SNX29: variants seen among roughly 807,000 people sequenced by gnomAD.
SNX29 encodes sorting nexin-29.
A neutral mutation model predicts 102.1 loss-of-function variants in SNX29; 78 were observed. The ratio of observed to expected loss-of-function variants is 0.76; its 90% CI spans 0.64 to 0.92. The LOEUF (loss-of-function observed/expected upper bound fraction) is 0.92. SNX29 is among the 40% of genes least tolerant of loss of function. The pLI, the probability that SNX29 is intolerant of heterozygous loss-of-function variation, is 0.00. For synonymous variants in SNX29, 580 were observed against 414.5 expected, an observed-to-expected ratio of 1.40 and a Z score of -4.85; for missense variants, 1,280 against 1,061.7, an observed-to-expected ratio of 1.21 and a Z score of -2.86.
intron 14 of SNX29, among the ~76,000 whole-genome samples, chr16:12,272,288 G>A (rs1273525788): frequency 6.6e-6 from 1 of 152,194 alleles, no homozygotes; most frequent in Non-Finnish European, 1.5e-5. Context: ...GATTGCTAAT[G>A]AGATGTGTGG....
rs1421050973 is a variant in SNX29, at chr16:11,976,826, C to G, written c.7+13C>G. On this transcript the variant is annotated intron_variant, in intron 1 of 20. Transcript: ENST00000566228. Reference sequence around the variant, plus strand: ...GGCACCATGAGCGGTGAGTGGCGGCCCCGCCGCTGTCACCTGCCCCGGCCG... The same window carrying G: ...GGCACCATGAGCGGTGAGTGGCGGCGCCGCCGCTGTCACCTGCCCCGGCCG... 1 of 1,374,088 alleles carries G rather than the reference C, an allele frequency of 7.3e-7. No homozygotes were observed. Among genetic ancestry groups the G allele is most frequent in the Non-Finnish European group, 9.4e-7 (1 of 1,063,230 alleles). 85.1% of individuals were successfully genotyped at this position (1,374,088 alleles called of 1,614,324 possible). A position where few individuals can be genotyped will look rare whatever the true frequency, so the allele number is the denominator to read the frequency against.
At chr16:12,193,931 T>G (rs900652423) in intron 13 of SNX29, among the ~76,000 whole-genome samples, 6 of 152,348 alleles carry the variant, frequency 3.9e-5, no homozygotes, top group Middle Eastern at 3.4e-3. Flanking sequence ...TGAGTCTTCC[T>G]GCTTTGTGCT....
At chr16:12,322,744 C>T (rs1229364420) in intron 15 of SNX29, among the ~76,000 whole-genome samples, 2 of 150,516 alleles carry the variant, frequency 1.3e-5, no homozygotes, top group Non-Finnish European at 3.0e-5. Flanking sequence ...AGGATGCAGT[C>T]ACTGGAGTTA....
chr16:12,027,287 G>T (rs775888756), intron 3 of SNX29, 33 bp from the exon 4 acceptor site: 5 of 1,610,836 alleles, frequency 3.1e-6, no homozygotes, highest in African/African-American at 2.7e-5. Context: ...TCCCTTTTCT[G>T]GGGGGACTGA....
chr16:11,997,436 G>A (rs1398607548), intron 1 of SNX29, among the ~76,000 whole-genome samples: 1 of 151,730 alleles, frequency 6.6e-6, no homozygotes, highest in African/African-American at 2.4e-5. Flanking sequence ...TGTCTTCCTA[G>A]TGTGACTCTC....
chr16:11,990,982 T>G (rs965250756), intron 1 of SNX29, among the ~76,000 whole-genome samples: 1 of 152,158 alleles, frequency 6.6e-6, no homozygotes, highest in Admixed American at 6.5e-5. Flanking sequence ...AGTGGCAGAG[T>G]TGGGTAGTGA....
At position 12,477,775 on chromosome 16, in the gene SNX29, C is replaced by G. The variant is rs1390010080; in HGVS notation, c.2094C>G (p.Phe698Leu). ...EWNIYRRYTE[F>L]RSLHHKLQNK... ...ATATTTATCGCCGGTATACAGAGTT[C>G]AGGAGTTTGCACCACAAGTTACAAA... The change falls in exon 19 of 21, where the codon TTC becomes TTG. Residue 698 changes from phenylalanine to leucine, a missense_variant. Phe to Leu is a conservative substitution (Grantham distance 22). Coordinates refer to ENST00000566228, the MANE Select transcript of SNX29 (RefSeq NM_032167.5). 1 of 1,613,436 alleles carries G rather than the reference C, an allele frequency of 6.2e-7. No homozygotes were observed. The highest frequency in any genetic ancestry group is 2.2e-5 in the East Asian group (1 of 44,868).
At chr16:12,549,235 C>A (rs549381564) in intron 20 of SNX29, among the ~76,000 whole-genome samples, 1 of 152,320 alleles carries the variant, frequency 6.6e-6, no homozygotes, top group East Asian at 1.9e-4. Context: ...GTGGCTCATC[C>A]CTGTAATCCC....
chr16:12,470,427 C>G (rs2044325892), intron 18 of SNX29, among the ~76,000 whole-genome samples: 1 of 152,194 alleles, frequency 6.6e-6, no homozygotes, highest in Non-Finnish European at 1.5e-5. Flanking sequence ...CTACGAGGTC[C>G]TCCTCCTAAA....
At chr16:12,419,881 G>A (rs2151581752) in intron 18 of SNX29, among the ~76,000 whole-genome samples, 1 of 152,356 alleles carries the variant, frequency 6.6e-6, no homozygotes, top group East Asian at 1.9e-4. Context: ...TTCCCCAAAA[G>A]AAAATGAGGG....
At chr16:11,982,567 C>G (rs897297672) in intron 1 of SNX29, among the ~76,000 whole-genome samples, 1 of 151,358 alleles carries the variant, frequency 6.6e-6, no homozygotes, top group East Asian at 2.0e-4. Flanking sequence ...GTAGCTGGGA[C>G]TACAGGCGCT....
In SNX29 at chr16:12,346,219, T is replaced by C. The variant is rs536222109; in HGVS notation, c.1783-9944T>C. 3.3e-5 allele frequency among the ~76,000 whole-genome samples: 5 copies of C among 152,158 alleles called. No individual in the cohort carries two copies. In the South Asian group the frequency reaches 1.0e-3, roughly 32 times the overall value. ...TCTGAACCTAGGTTTGGCCACAGGA[T>C]GGAGGAGCGGGGACAGACCTTGGAG... On this transcript the variant is annotated intron_variant, in intron 15 of 20. Coordinates refer to ENST00000566228, the MANE Select transcript of SNX29 (RefSeq NM_032167.5).
intron 3 of SNX29, among the ~76,000 whole-genome samples, chr16:12,019,597 TAGATAGATAG>T (rs2056958002): frequency 6.8e-6 from 1 of 146,578 alleles, no homozygotes; most frequent in African/African-American, 2.7e-5. Context: ...TATATATAGA[TAGATAGATAG>T]ATAGATAGAT....
At chr16:12,455,372 A>G (rs2086488966) in intron 18 of SNX29, among the ~76,000 whole-genome samples, 1 of 152,066 alleles carries the variant, frequency 6.6e-6, no homozygotes, top group African/African-American at 2.4e-5. Context: ...ATTCCTGGTC[A>G]GCCACACACC....
intron 18 of SNX29, among the ~76,000 whole-genome samples, chr16:12,453,481 A>G (rs2086397472): frequency 6.6e-6 from 1 of 152,182 alleles, no homozygotes; most frequent in African/African-American, 2.4e-5. Flanking sequence ...GGTTGTTGTG[A>G]AAACGAAGAG....
chr16:12,430,746 G>A (rs926256466), intron 18 of SNX29, among the ~76,000 whole-genome samples: 2 of 152,092 alleles, frequency 1.3e-5, no homozygotes, highest in Non-Finnish European at 2.9e-5. Flanking sequence ...TGCTGGAAGC[G>A]GGCTGTAGAG....
intron 15 of SNX29, among the ~76,000 whole-genome samples, chr16:12,347,205 C>T (rs185200038): frequency 6.6e-6 from 1 of 151,846 alleles, no homozygotes; most frequent in African/African-American, 2.4e-5. Flanking sequence ...ACTCTGCAGA[C>T]AGAGCCTACA....
intron 19 of SNX29, among the ~76,000 whole-genome samples, chr16:12,502,544 C>A (rs1443497303): frequency 6.6e-6 from 1 of 152,130 alleles, no homozygotes; most frequent in Admixed American, 6.5e-5. Flanking sequence ...GTGGCCGGGG[C>A]CTCATTCCCA....
At chr16:12,162,791 A>G (rs890213857) in intron 13 of SNX29, among the ~76,000 whole-genome samples, 1 of 152,172 alleles carries the variant, frequency 6.6e-6, no homozygotes, top group African/African-American at 2.4e-5. Context: ...CAGACCCAGG[A>G]ATGCCTGTTC....
Sources: allele counts gnomAD v4.1 joint callset (sites outside exome capture counted in the v4.1 genomes callset), GRCh38; gene constraint gnomAD v4.1.1; transcripts MANE v1.5; gene names NCBI Gene and HGNC (gene_info 2026-07-23, HGNC 2026-07-21).